Variants in DLG2 observed in about 807,000 individuals in gnomAD.
DLG2 encodes the protein disks large homolog 2.
A neutral mutation model predicts 132.5 loss-of-function variants in DLG2; 45 were observed. The ratio of observed to expected loss-of-function variants is 0.34; its 90% CI spans 0.27 to 0.44. The LOEUF is 0.44. Ranked by LOEUF, DLG2 falls within the 20% of genes least tolerant of loss-of-function variation. The pLI is 1.00. For synonymous variants in DLG2, 424 were observed against 419.6 expected (o/e 1.01, Z -0.13); for missense variants, 1,045 against 1,196.9 (o/e 0.87, Z 1.87).
intron 7 of DLG2, among the ~76,000 whole-genome samples, chr11:84,280,323 CGG>C (rs2097841078): frequency 7.0e-6 from 1 of 142,712 alleles, no homozygotes; most frequent in Admixed American, 7.1e-5. Context: ...TTTTTTGAGA[CGG>C]AGTCACGCTC....
intron 6 of DLG2, among the ~76,000 whole-genome samples, chr11:84,894,766 A>G (rs745395245): frequency 6.6e-6 from 1 of 152,304 alleles, no homozygotes; most frequent in East Asian, 1.9e-4. Flanking sequence ...ACTGGGATAG[A>G]GATGGAAGGC....
intron 7 of DLG2, among the ~76,000 whole-genome samples, chr11:84,373,733 T>A (rs141905312): frequency 1.3e-4 from 20 of 152,310 alleles, no homozygotes; most frequent in Non-Finnish European, 2.5e-4. Context: ...TTTTTAACTT[T>A]TAGTTTCTAG....
chr11:84,131,969 C>T (rs897936590), intron 9 of DLG2, among the ~76,000 whole-genome samples: 1 of 151,294 alleles, frequency 6.6e-6, no homozygotes, highest in African/African-American at 2.4e-5. Flanking sequence ...TCATAAACTA[C>T]AAAACGTTTG....
rs147355315 is a variant in DLG2, at chr11:84,314,678, T to C, written c.520-63387A>G. On this transcript the variant is annotated intron_variant, in intron 7 of 27. Transcript: ENST00000376104. ...CTCTAGGACAGAAAAATTGAAATAA[T>C]ATAGAACTCTAATTTTTATATGTGT... 5.9e-5 allele frequency among the ~76,000 whole-genome samples: 9 copies of C among 152,034 alleles called. No homozygotes were observed. The East Asian group carries it at 1.7e-3, about 29-fold the overall frequency.
chr11:83,806,151 T>G (rs2045858360), intron 17 of DLG2, among the ~76,000 whole-genome samples: 1 of 152,152 alleles, frequency 6.6e-6, no homozygotes, highest in Non-Finnish European at 1.5e-5. Flanking sequence ...CCAGACCTCC[T>G]GTAATCATGA....
chr11:84,003,342 T>C (rs964163968), intron 11 of DLG2, among the ~76,000 whole-genome samples: 1 of 152,182 alleles, frequency 6.6e-6, no homozygotes, highest in African/African-American at 2.4e-5. Context: ...AAGCTGCTTT[T>C]ACATTTTTGG....
At chr11:85,452,139 A>G (rs1032257271) in intron 3 of DLG2, 3 of 152,184 alleles carry the variant, frequency 2.0e-5, no homozygotes, top group African/African-American at 7.2e-5. Context: ...TCACTAATGC[A>G]TCTATATGCT....
rs536992254 is a variant in DLG2, at chr11:85,021,503, C to T, written c.357+90158G>A. ...TTAACATACTGAAAGAAGGCAAAGC[C>T]GTTATGAACAGAGGAGTCCACAATT... On this transcript the variant is annotated intron_variant, in intron 6 of 27. Coordinates refer to ENST00000376104, the MANE Select transcript of DLG2 (RefSeq NM_001142699.3). 6.0e-6 allele frequency: 9 copies of T among 1,491,550 alleles called. No homozygotes were observed. The African/African-American group carries it at 6.9e-5, about 11-fold the overall frequency. 92.4% of individuals were successfully genotyped at this position (1,491,550 alleles called of 1,614,324 possible). A position where few individuals can be genotyped will look rare whatever the true frequency, so the allele number is the denominator to read the frequency against.
At chr11:83,621,245 A>G (rs1479660892) in intron 19 of DLG2, among the ~76,000 whole-genome samples, 1 of 152,080 alleles carries the variant, frequency 6.6e-6, no homozygotes, top group Non-Finnish European at 1.5e-5. Context: ...TTAGTTGTCA[A>G]TTCCCTATCA....
At chr11:84,940,278 G>C (rs1299717814) in intron 6 of DLG2, among the ~76,000 whole-genome samples, 1 of 152,186 alleles carries the variant, frequency 6.6e-6, no homozygotes, top group Admixed American at 6.6e-5. Context: ...AGCCTCCTGA[G>C]TAGCTGGGAC....
chr11:84,778,733 T>C (rs968890806), intron 6 of DLG2, among the ~76,000 whole-genome samples: 5 of 152,106 alleles, frequency 3.3e-5, no homozygotes, highest in African/African-American at 1.2e-4. Flanking sequence ...TGTATCTGGG[T>C]GTTGCCAGAA....
chr11:85,071,509 A>G (rs2065862723), intron 6 of DLG2, among the ~76,000 whole-genome samples: 1 of 151,894 alleles, frequency 6.6e-6, no homozygotes. Context: ...TATGATAGGC[A>G]TCTCAAGAAC....
chr11:84,028,671 A>T (rs559462669), intron 11 of DLG2, among the ~76,000 whole-genome samples: 1 of 152,116 alleles, frequency 6.6e-6, no homozygotes, highest in Admixed American at 6.6e-5. Context: ...CCTGCCTATT[A>T]AGGTCTTTGC....
intron 6 of DLG2, among the ~76,000 whole-genome samples, chr11:85,074,163 T>C (rs2066226293): frequency 6.6e-6 from 1 of 151,860 alleles, no homozygotes; most frequent in African/African-American, 2.4e-5. Flanking sequence ...ACCAAGGTGA[T>C]GAAACAATCT....
chr11:85,162,777 T>C (rs565681035), intron 4 of DLG2, among the ~76,000 whole-genome samples: 1 of 152,176 alleles, frequency 6.6e-6, no homozygotes, highest in Non-Finnish European at 1.5e-5. Context: ...TTATGTATGA[T>C]CTCAGGAGAT....
rs952834540 is a variant in DLG2 at position 84,941,502 on chromosome 11, C to T, written c.357+170159G>A. The stretch of plus-strand genomic sequence containing the variant: ...AAAGGATCATATGGTTTTTATCCTT[C>T]ATTCAATTGATTTGATGTATCACAC... On this transcript the variant is annotated intron_variant, in intron 6 of 27. Coordinates refer to ENST00000376104, the MANE Select transcript of DLG2 (RefSeq NM_001142699.3). Among the ~76,000 whole-genome samples the T allele has an allele frequency of 5.9e-5, 9 of 152,080 alleles. No individual in the cohort carries two copies. In the East Asian group the frequency reaches 1.7e-3, roughly 29 times the overall value.
chr11:85,039,102 T>G (rs1193750836), intron 6 of DLG2, among the ~76,000 whole-genome samples: 1 of 151,972 alleles, frequency 6.6e-6, no homozygotes, highest in African/African-American at 2.4e-5. Context: ...TAGATTCTAG[T>G]AAGTAGTCAG....
chr11:84,541,284 C>T (rs1322516215), intron 6 of DLG2, among the ~76,000 whole-genome samples: 1 of 151,904 alleles, frequency 6.6e-6, no homozygotes, highest in Non-Finnish European at 1.5e-5. Flanking sequence ...GATAGGTGCT[C>T]AAGACAGGGA....
intron 10 of DLG2, among the ~76,000 whole-genome samples, chr11:84,079,475 G>T (rs1430116376): frequency 6.6e-6 from 1 of 151,920 alleles, no homozygotes; most frequent in Non-Finnish European, 1.5e-5. Context: ...GTAGATGGGG[G>T]TTTCTCCATT....
Sources: gnomAD v4.1 joint callset for allele counts (sites outside exome capture counted in the v4.1 genomes callset) on GRCh38, gnomAD v4.1.1 for gene constraint, MANE v1.5 for transcripts, NCBI Gene and HGNC (gene_info 2026-07-23, HGNC 2026-07-21) for gene names.